The following GALNTL6 variants were observed in gnomAD, a reference collection of about 807,000 sequenced individuals.
GALNTL6 encodes the protein polypeptide N-acetylgalactosaminyltransferase like 6.
In GALNTL6, 46 loss-of-function variants were observed where a neutral mutation model predicts 73.7. The observed-to-expected ratio is 0.62, with a 90% CI of 0.49 to 0.80. GALNTL6 has a LOEUF of 0.80. Among genes scored for constraint, GALNTL6 ranks in the 30% least tolerant of loss-of-function variants. GALNTL6 has a pLI of 0.00. For missense variants in GALNTL6, 604 were observed against 755.0 expected (o/e 0.80, Z 2.34); for synonymous variants, 259 against 263.7 (o/e 0.98, Z 0.17).
At chr4:172,320,638 CAG>C (rs1273337669) in intron 4 of GALNTL6, among the ~76,000 whole-genome samples, 1 of 151,812 alleles carries the variant, frequency 6.6e-6, no homozygotes, top group African/African-American at 2.4e-5. Flanking sequence ...ACAAATATCA[CAG>C]AGAGACTTCA....
chr4:171,968,868 G>A (rs960758160), intron 2 of GALNTL6, among the ~76,000 whole-genome samples: 25 of 150,702 alleles, frequency 1.7e-4, no homozygotes, highest in East Asian at 2.0e-4. Context: ...ACAGAGTCTC[G>A]CTCTGTCACC....
chr4:172,594,037 G>A (rs1737755884), intron 5 of GALNTL6, among the ~76,000 whole-genome samples: 2 of 152,134 alleles, frequency 1.3e-5, no homozygotes, highest in South Asian at 4.1e-4. Flanking sequence ...ATAACTTTAA[G>A]TGTTTAATGT....
At chr4:172,854,786 G>A (rs924466604) in intron 7 of GALNTL6, among the ~76,000 whole-genome samples, 82 of 152,206 alleles carry the variant, frequency 5.4e-4, no homozygotes, top group African/African-American at 1.9e-3. Context: ...TTGTACTATA[G>A]TGAGTTATAT....
At chr4:172,815,267 T>C (rs1004250288) in intron 7 of GALNTL6, among the ~76,000 whole-genome samples, 1 of 152,228 alleles carries the variant, frequency 6.6e-6, no homozygotes, top group African/African-American at 2.4e-5. Flanking sequence ...AACTTTTATA[T>C]GTCAGTTTAA....
intron 2 of GALNTL6, among the ~76,000 whole-genome samples, chr4:172,118,008 C>T (rs1328721360): frequency 6.6e-6 from 1 of 152,002 alleles, no homozygotes; most frequent in African/African-American, 2.4e-5. Flanking sequence ...CTGGGTGTAT[C>T]TGTTTTTCAA....
chr4:172,330,048 G>A (rs139095419), intron 4 of GALNTL6, among the ~76,000 whole-genome samples: 2 of 152,330 alleles, frequency 1.3e-5, no homozygotes, highest in Non-Finnish European at 2.9e-5. Context: ...GGAGTTCCAA[G>A]CCAGTGAGTC....
At chr4:171,853,832 G>A (rs1174091165) in intron 2 of GALNTL6, among the ~76,000 whole-genome samples, 2 of 151,576 alleles carry the variant, frequency 1.3e-5, no homozygotes, top group African/African-American at 4.8e-5. Context: ...GGCTGGCCTC[G>A]AACTCCTGAC....
chr4:171,920,108 C>T (rs935900377), intron 2 of GALNTL6, among the ~76,000 whole-genome samples: 1 of 151,806 alleles, frequency 6.6e-6, no homozygotes. Flanking sequence ...AACCATCATT[C>T]TCAGCAAACT....
intron 3 of GALNTL6, among the ~76,000 whole-genome samples, chr4:172,256,076 T>C (rs935853712): frequency 4.0e-5 from 6 of 151,530 alleles, no homozygotes; most frequent in Non-Finnish European, 7.4e-5. Context: ...TTTTATTTTA[T>C]AATATGTTAT....
intron 10 of GALNTL6, among the ~76,000 whole-genome samples, chr4:172,981,270 C>T (rs1008740700): frequency 3.3e-5 from 5 of 152,144 alleles, no homozygotes; most frequent in East Asian, 1.9e-4. Context: ...TTTGAGGAAA[C>T]GTTAAACTTT....
Position 171,871,693 on chromosome 4 carries a change from A to G in GALNTL6, c.138+56975A>G, listed in dbSNP as rs138514174. ...AGTGACACCTATATAAATTATATTTAGGTCCCGAAAAAAACACTACAATGA... is the reference window on the plus strand; with the variant it reads ...AGTGACACCTATATAAATTATATTTGGGTCCCGAAAAAAACACTACAATGA... On this transcript the variant is annotated intron_variant, in intron 2 of 12. Coordinates refer to ENST00000506823, the MANE Select transcript of GALNTL6 (RefSeq NM_001034845.3). Among the ~76,000 whole-genome samples the G allele has an allele frequency of 1.5e-3, 222 of 152,330 alleles. 1 individual carries two copies. Among genetic ancestry groups the G allele is most frequent in the African/African-American group, 5.0e-3 (209 of 41,578 alleles).
intron 2 of GALNTL6, among the ~76,000 whole-genome samples, chr4:171,991,869 T>C (rs1432094196): frequency 6.6e-6 from 1 of 151,254 alleles, no homozygotes; most frequent in Non-Finnish European, 1.5e-5. Context: ...TCCAAGAAAA[T>C]AGCAATTCAA....
chr4:171,930,824 G>A (rs1302618096), intron 2 of GALNTL6, among the ~76,000 whole-genome samples: 1 of 152,170 alleles, frequency 6.6e-6, no homozygotes, highest in Non-Finnish European at 1.5e-5. Context: ...GACAGAGCGA[G>A]ACTCTGTCTC....
intron 7 of GALNTL6, among the ~76,000 whole-genome samples, chr4:172,841,767 G>T (rs192500166): frequency 6.6e-6 from 1 of 152,118 alleles, no homozygotes; most frequent in Non-Finnish European, 1.5e-5. Context: ...TCCCCTCTAC[G>T]TGTGCGGATT....
chr4:172,666,661 G>A (rs1022077704), intron 5 of GALNTL6: 1 of 152,036 alleles, frequency 6.6e-6, no homozygotes, highest in Non-Finnish European at 1.5e-5. Flanking sequence ...AAAAACTTTT[G>A]TCTTCCTTTA....
intron 5 of GALNTL6, among the ~76,000 whole-genome samples, chr4:172,398,861 G>T (rs1052160024): frequency 1.3e-5 from 2 of 151,584 alleles, no homozygotes; most frequent in Non-Finnish European, 2.9e-5. Context: ...CCAATGTTTG[G>T]GTTTTTTTTT....
At chr4:172,641,094 T>C (rs1739951964) in intron 5 of GALNTL6, among the ~76,000 whole-genome samples, 1 of 152,050 alleles carries the variant, frequency 6.6e-6, no homozygotes, top group African/African-American at 2.4e-5. Flanking sequence ...TCACTCTACC[T>C]GCAAAATATA....
intron 10 of GALNTL6, among the ~76,000 whole-genome samples, chr4:172,971,160 C>G (rs558732859): frequency 6.6e-6 from 1 of 152,142 alleles, no homozygotes; most frequent in Admixed American, 6.5e-5. Flanking sequence ...TCTGTCACCC[C>G]CATAGGATGA....
intron 5 of GALNTL6, among the ~76,000 whole-genome samples, chr4:172,402,603 A>G (rs1250793166): frequency 3.9e-5 from 6 of 152,124 alleles, no homozygotes; most frequent in Admixed American, 3.9e-4. Flanking sequence ...CACCAGAAAT[A>G]GAAAGGATTT....
Sources: allele counts gnomAD v4.1 joint callset (sites outside exome capture counted in the v4.1 genomes callset), GRCh38; gene constraint gnomAD v4.1.1; transcripts MANE v1.5; gene names NCBI Gene and HGNC (gene_info 2026-07-23, HGNC 2026-07-21).